Variants in SSX3 observed in about 807,000 individuals in gnomAD.
SSX3 encodes the protein SSX family member 3.
In SSX3, 6 loss-of-function variants were observed where a neutral mutation model predicts 14.8. That is an observed-to-expected ratio of 0.41 (90% confidence interval 0.22 to 0.80). The LOEUF is 0.80. Among genes scored for constraint, SSX3 ranks in the 30% least tolerant of loss-of-function variants. SSX3 has a pLI of 0.34. For synonymous variants in SSX3, 55 were observed against 52.9 expected (o/e 1.04, Z -0.18); for missense variants, 163 against 152.2 (o/e 1.07, Z -0.37).
intron 6 of SSX3, among the ~76,000 whole-genome samples, chrX:48,347,907 C>A (rs1329406396): frequency 3.6e-5 from 4 of 112,621 alleles, no homozygotes; most frequent in African/African-American, 1.3e-4. Flanking sequence ...TAAAGCCACA[C>A]AGGCATACCT....
intron 4 of SSX3, among the ~76,000 whole-genome samples, chrX:48,353,518 G>A (rs1245163236): frequency 9.0e-6 from 1 of 111,178 alleles, no homozygotes; most frequent in African/African-American, 3.3e-5. Flanking sequence ...CCAGCTACTC[G>A]GGAGGCTGAG....
rs782127584 is a variant in SSX3 at position 48,355,234 on chromosome X, T to G, written c.16A>C (p.Thr6Pro). The G allele has an allele frequency of 1.9e-5, 23 of 1,209,377 alleles. No homozygotes were observed. Among genetic ancestry groups the G allele is most frequent in the Non-Finnish European group, 2.5e-5 (22 of 894,872 alleles). Residue 6 changes from threonine (T) to proline (P), a missense_variant, in exon 2 of 8, where the codon ACC becomes CCC. Physicochemically the swap from Thr to Pro is conservative, Grantham distance 38. Coordinates refer to ENST00000298396, the MANE Select transcript of SSX3 (RefSeq NM_021014.4). The part of the protein sequence containing the change: MNGDD[T>P]FARRPTVGAQ... ...CCAACCGTGGGTCTCCTTGCAAAGG[T>G]GTCATCTCCGTTCATGGCACAGGGA...
chrX:48,354,328 A>C (rs1222160516), intron 3 of SSX3, among the ~76,000 whole-genome samples: 2 of 106,234 alleles, frequency 1.9e-5, no homozygotes, highest in African/African-American at 6.8e-5. Context: ...GAGAAGGTAG[A>C]GTGGGTGTGT....
rs782792469 is a variant in SSX3 at position 48,354,521 on chromosome X, C to G, written c.184+111G>C. The G allele has an allele frequency of 3.4e-5, 31 of 922,962 alleles. No homozygotes were observed. In the African/African-American group the frequency reaches 4.0e-4, roughly 12 times the overall value. The allele number at this position is 922,962 out of a possible 1,213,427, so 76.1% of individuals were successfully genotyped here. On this transcript the variant is annotated intron_variant, in intron 3 of 7. Transcript: ENST00000298396. Reference sequence around the variant, plus strand: ...CCAGAAGCTGCCTTGCGATTTTTCCCTACACAAAAGGAAAATGTGAGGTAC... The same window carrying G: ...CCAGAAGCTGCCTTGCGATTTTTCCGTACACAAAAGGAAAATGTGAGGTAC...
chrX:48,352,051 C>T (rs1556949994), intron 5 of SSX3, 49 bp downstream of exon 5: 9 of 1,186,341 alleles, frequency 7.6e-6, no homozygotes, highest in Non-Finnish European at 9.2e-6. Context: ...TGTTCGCATC[C>T]TTGGAGGGAC....
intron 6 of SSX3, chrX:48,349,435 T>C (rs1424093567): frequency 4.7e-5 from 43 of 912,981 alleles, no homozygotes; most frequent in Admixed American, 4.6e-4. Context: ...AATTAAGGTA[T>C]ATACATTTTT....
At chrX:48,350,541 C>T (rs1435442609) in intron 5 of SSX3, among the ~76,000 whole-genome samples, 1 of 110,378 alleles carries the variant, frequency 9.1e-6, no homozygotes, top group Non-Finnish European at 1.9e-5. Flanking sequence ...CATAGGGAGG[C>T]GACAAAACAC....
intron 7 of SSX3, 31 bp from the exon 8 acceptor site, chrX:48,347,066 G>A: frequency 1.7e-6 from 2 of 1,197,395 alleles, no homozygotes; most frequent in South Asian, 1.8e-5. Flanking sequence ...GAAAGTAAGT[G>A]GCAGTGAGTT....
Position 48,354,489 on chromosome X carries a change from A to G in SSX3, c.184+143T>C, listed in dbSNP as rs781809960. 193 of 666,607 alleles carry G rather than the reference A, an allele frequency of 2.9e-4. 1 individual carries two copies. The South Asian group carries it at 5.0e-3, about 17-fold the overall frequency. 54.9% of individuals were successfully genotyped at this position (666,607 alleles called of 1,213,427 possible). A position where few individuals can be genotyped will look rare whatever the true frequency, so the allele number is the denominator to read the frequency against. ...CAGCCCTGACAGGATATAGAAGAGCAGAACACCCAGAAGCTGCCTTGCGAT... is the reference window on the plus strand; with the variant it reads ...CAGCCCTGACAGGATATAGAAGAGCGGAACACCCAGAAGCTGCCTTGCGAT... On this transcript the variant is annotated intron_variant, in intron 3 of 7. Transcript: ENST00000298396.
intron 2 of SSX3, 82 bp downstream of exon 2, chrX:48,355,099 T>C: frequency 8.3e-7 from 1 of 1,202,882 alleles, no homozygotes; most frequent in East Asian, 3.0e-5. Context: ...GTCTCCAGTA[T>C]CTCTGTCCTC....
intron 2 of SSX3, 127 bp from the exon 3 acceptor site, chrX:48,354,873 T>G: frequency 1.7e-6 from 2 of 1,194,717 alleles, no homozygotes; most frequent in South Asian, 3.6e-5. Context: ...ATGCCACGGC[T>G]AACTGACAGA....
chrX:48,351,221 A>G (rs781881050), intron 5 of SSX3, among the ~76,000 whole-genome samples: 8 of 112,072 alleles, frequency 7.1e-5, no homozygotes, highest in Non-Finnish European at 1.3e-4. Context: ...CTTTGAATTC[A>G]GTCTCCACAC....
At position 48,346,747 on chromosome X, in the gene SSX3, T is replaced by C; in HGVS notation, c.*293A>G. Reference sequence around the variant, plus strand: ...CAGAGGTAACTGACAATACTTGTTTTCTAAGGTAGGTGCATGGATACACAA... The same window carrying C: ...CAGAGGTAACTGACAATACTTGTTTCCTAAGGTAGGTGCATGGATACACAA... On this transcript the variant is annotated 3_prime_UTR_variant, in exon 8 of 8. Transcript: ENST00000298396. The C allele has an allele frequency of 2.3e-6, 1 of 436,975 alleles. No homozygotes were observed. Among genetic ancestry groups the C allele is most frequent in the Non-Finnish European group, 4.0e-6 (1 of 249,814 alleles). The allele number at this position is 436,975 out of a possible 1,213,427, so 36.0% of individuals were successfully genotyped here.
intron 4 of SSX3, 126 bp downstream of exon 4, chrX:48,353,873 A>T (rs2061273660): frequency 3.4e-5 from 21 of 617,761 alleles, no homozygotes; most frequent in Non-Finnish European, 4.5e-5. Context: ...TCTGCATGCA[A>T]TTTTTTTTTT....
chrX:48,348,570 T>C (rs181502345), intron 6 of SSX3: 1 of 431,547 alleles, frequency 2.3e-6, no homozygotes, highest in Non-Finnish European at 4.2e-6. Context: ...ATGGCTAAGA[T>C]TAGTGAGGAA....
At chrX:48,356,249 T>G (rs1343706539) in intron 1 of SSX3, among the ~76,000 whole-genome samples, 6 of 111,173 alleles carry the variant, frequency 5.4e-5, no homozygotes, top group Non-Finnish European at 1.1e-4. Flanking sequence ...CAGGAAAGAT[T>G]TGAGTGATTT....
chrX:48,354,418 C>T (rs782308048), intron 3 of SSX3, among the ~76,000 whole-genome samples: 24 of 109,142 alleles, frequency 2.2e-4, no homozygotes, highest in African/African-American at 8.0e-4. Context: ...GAGAGAGAAA[C>T]GTGCAGGATC....
intron 7 of SSX3, 69 bp from the exon 8 acceptor site, chrX:48,347,104 T>C: frequency 7.7e-6 from 9 of 1,161,538 alleles, no homozygotes; most frequent in South Asian, 3.6e-5. Flanking sequence ...CAATCTCAAC[T>C]CCTCCTGACC....
intron 4 of SSX3, 76 bp from the exon 5 acceptor site, chrX:48,352,225 G>A: frequency 9.1e-7 from 1 of 1,098,938 alleles, no homozygotes; most frequent in Non-Finnish European, 1.3e-6. Flanking sequence ...GTCGCATCAG[G>A]GTATTCTGCA....
Sources: allele counts gnomAD v4.1 joint callset (sites outside exome capture counted in the v4.1 genomes callset), GRCh38; gene constraint gnomAD v4.1.1; transcripts MANE v1.5; gene names NCBI Gene and HGNC (gene_info 2026-07-23, HGNC 2026-07-21).